SNAPC4: variants seen among roughly 807,000 people sequenced by gnomAD.
SNAPC4 encodes the protein small nuclear RNA activating complex polypeptide 4, also known as snRNA-activating protein complex subunit 4.
SNAPC4 carries 127 observed loss-of-function variants against 151.3 expected under a neutral mutation model. The observed-to-expected ratio is 0.84, with a 90% CI of 0.73 to 0.97. The LOEUF (loss-of-function observed/expected upper bound fraction) is 0.97. Ranked by LOEUF, SNAPC4 falls within the 50% of genes least tolerant of loss-of-function variation. The pLI is 0.00. For synonymous variants in SNAPC4, 1,002 were observed against 824.4 expected (o/e 1.22, Z -3.69); for missense variants, 2,186 against 1,935.0 (o/e 1.13, Z -2.43).
In SNAPC4 at chr9:136,377,565, G is replaced by T; in HGVS notation, c.4262C>A (p.Thr1421Lys). 6.6e-7 allele frequency: 1 copy of T among 1,519,162 alleles called. No individual in the cohort carries two copies. The highest frequency in any genetic ancestry group is 8.8e-7 in the Non-Finnish European group (1 of 1,132,300). The allele number at this position is 1,519,162 out of a possible 1,614,324, so 94.1% of individuals were successfully genotyped here. ...LADRDGQPGC[T>K]TATCPIQGAP... is the part of the protein sequence containing the mutation. ...TACCTGAATGGGGCATGTGGCTGTCGTGCAGCCCGGCTGCCCGTCCCTGTC... is the reference window on the plus strand; with the variant it reads ...TACCTGAATGGGGCATGTGGCTGTCTTGCAGCCCGGCTGCCCGTCCCTGTC... Residue 1421 changes from threonine to lysine, a missense_variant, in exon 22 of 24, where the codon ACG becomes AAG. Thr to Lys is a moderately conservative substitution (Grantham distance 78, BLOSUM62 -1). Coordinates refer to ENST00000684778, the MANE Select transcript of SNAPC4 (RefSeq NM_003086.4).
At chr9:136,390,216 G>C (rs754788618) in intron 10 of SNAPC4, among the ~76,000 whole-genome samples, 1 of 152,136 alleles carries the variant, frequency 6.6e-6, no homozygotes, top group Non-Finnish European at 1.5e-5. Flanking sequence ...GCTGCACGCT[G>C]CTTTCATGAA....
In SNAPC4 at chr9:136,377,440, G is replaced by A. The variant is rs1349100341; in HGVS notation, c.4284+103C>T. ...AAGACACCCAGCAGCCAGCCTTCCTGCCCGCAACTTCCACCAGCCCCCACC... is the reference window on the plus strand; with the variant it reads ...AAGACACCCAGCAGCCAGCCTTCCTACCCGCAACTTCCACCAGCCCCCACC... On this transcript the variant is annotated intron_variant, in intron 22 of 23. Transcript: ENST00000684778. 14 of 1,380,234 alleles carry A rather than the reference G, an allele frequency of 1.0e-5. No individual in the cohort carries two copies. In the Admixed American group the frequency reaches 1.7e-4, roughly 16 times the overall value. The allele number at this position is 1,380,234 out of a possible 1,614,324, so 85.5% of individuals were successfully genotyped here. A position where few individuals can be genotyped will look rare whatever the true frequency, so the allele number is the denominator to read the frequency against.
Position 136,380,771 on chromosome 9 carries a change from C to T in SNAPC4, c.2468G>A (p.Gly823Asp). The change falls in exon 20 of 24, where the codon GGT becomes GAT. Residue 823 changes from glycine (G) to aspartate (D), a missense_variant. Transcript: ENST00000684778. ...KALPPRLPQA[G>D]ARDPPVHLLQ... Reference sequence around the variant, plus strand: ...AAGATGAACTGGTGGGTCCCGAGCACCAGCCTGGGGCAGCCTGGGTGGCAG... The same window carrying T: ...AAGATGAACTGGTGGGTCCCGAGCATCAGCCTGGGGCAGCCTGGGTGGCAG... 1 of 1,610,782 alleles carries T rather than the reference C, an allele frequency of 6.2e-7. No homozygotes were observed. The highest frequency in any genetic ancestry group is 8.5e-7 in the Non-Finnish European group (1 of 1,178,000).
At chr9:136,398,075 T>C (rs1834336058) in intron 2 of SNAPC4, among the ~76,000 whole-genome samples, 1 of 152,000 alleles carries the variant, frequency 6.6e-6, no homozygotes, top group Non-Finnish European at 1.5e-5. Flanking sequence ...CGTTTATTAT[T>C]ATTATTATTA....
intron 7 of SNAPC4, among the ~76,000 whole-genome samples, chr9:136,393,989 C>T (rs766241286): frequency 3.9e-5 from 6 of 152,242 alleles, no homozygotes; most frequent in Non-Finnish European, 4.4e-5. Flanking sequence ...ACAATCATGG[C>T]TCACTGCAGC....
chr9:136,376,608 A>C, intron 22 of SNAPC4, 127 bp from the exon 23 acceptor site: 4 of 1,117,856 alleles, frequency 3.6e-6, no homozygotes, highest in Non-Finnish European at 5.3e-6. Flanking sequence ...CCCTCAGCTC[A>C]GGCGGGAGCT....
In SNAPC4 at chr9:136,392,121, A is replaced by ACACT; in HGVS notation, c.811-19_811-16dup. The ACACT allele has an allele frequency of 6.2e-7, 1 of 1,610,822 alleles. No homozygotes were observed. Among genetic ancestry groups the ACACT allele is most frequent in the South Asian group, 1.1e-5 (1 of 91,072 alleles). On this transcript the variant is annotated splice_polypyrimidine_tract_variant and intron_variant, in intron 9 of 23. Coordinates refer to ENST00000684778, the MANE Select transcript of SNAPC4 (RefSeq NM_003086.4). ...CTGCCTTCAAACTGCACCGACAGAGACACTCAGCCTTGCAGGCCACTGACC... is the reference window on the plus strand; with the variant it reads ...CTGCCTTCAAACTGCACCGACAGAGACACTCACTCAGCCTTGCAGGCCACTGACC...
chr9:136,390,296 CTG>C (rs1414505293), intron 10 of SNAPC4, among the ~76,000 whole-genome samples: 2 of 152,160 alleles, frequency 1.3e-5, no homozygotes, highest in East Asian at 3.9e-4. Flanking sequence ...TGGCTCACGT[CTG>C]TAATCCCAGC....
intron 5 of SNAPC4, 22 bp downstream of exon 5, chr9:136,395,276 G>T (rs755465476): frequency 6.2e-7 from 1 of 1,609,988 alleles, no homozygotes; most frequent in Non-Finnish European, 8.5e-7. Context: ...TTGCCGACAA[G>T]AGCAGGGCCT....
At position 136,392,662 on chromosome 9, in the gene SNAPC4, GC is replaced by G. The variant is rs746142607; in HGVS notation, c.737+10del. 2,144 of 1,613,204 alleles carry G rather than the reference GC, an allele frequency of 1.3e-3. 7 individuals carry two copies. The highest frequency in any genetic ancestry group is 7.4e-3 in the Middle Eastern group (45 of 6,060). ...GGGCTCCCCTGGGCCCTCCCGGGAG[GC>G]CCCCCTCACTTGATGTCCTGGATCT... On this transcript the variant is annotated intron_variant, in intron 8 of 23. Coordinates refer to ENST00000684778, the MANE Select transcript of SNAPC4 (RefSeq NM_003086.4).
chr9:136,381,114 T>C (rs1833673625), intron 19 of SNAPC4, among the ~76,000 whole-genome samples: 1 of 152,190 alleles, frequency 6.6e-6, no homozygotes, highest in Admixed American at 6.5e-5. Context: ...CCCCGGACAC[T>C]GTTTAGCCCG....
At chr9:136,396,032 GGCTGCGGCT>G in intron 3 of SNAPC4, among the ~76,000 whole-genome samples, 1 of 152,216 alleles carries the variant, frequency 6.6e-6, no homozygotes, top group South Asian at 2.1e-4. Flanking sequence ...AACACGCCAG[GGCTGCGGCT>G]GCTGCAAGGC....
chr9:136,384,078 T>TCCCCAGGACAGGCTTGCTG (rs1833808405), intron 14 of SNAPC4, 46 bp from the exon 15 acceptor site: 1 of 1,535,858 alleles, frequency 6.5e-7, no homozygotes. Context: ...CAAAGATTCT[T>TCCCCAGGACAGGCTTGCTG]CCCCAGGACA....
chr9:136,377,545 G>A lies in SNAPC4; in HGVS notation c.4282C>T (p.Gln1428Ter), dbSNP rs1169002857. 1 of 1,508,646 alleles carries A rather than the reference G, an allele frequency of 6.6e-7. No homozygotes were observed. Among genetic ancestry groups the A allele is most frequent in the Non-Finnish European group, 8.9e-7 (1 of 1,128,020 alleles). The allele number at this position is 1,508,646 out of a possible 1,614,324, so 93.5% of individuals were successfully genotyped here. The change falls in exon 22 of 24, where the codon CAG (glutamine) becomes TAG (stop). Residue 1428 changes from glutamine (Q) to a stop codon, truncating the protein, a stop_gained and splice_region_variant. Transcript: ENST00000684778. LOFTEE classifies it high-confidence loss of function. Reference sequence around the variant, plus strand: ...GTGGGGCTGGGCGCCCACCCTACCTGAATGGGGCATGTGGCTGTCGTGCAG... The same window carrying A: ...GTGGGGCTGGGCGCCCACCCTACCTAAATGGGGCATGTGGCTGTCGTGCAG... ...PGCTTATCPI[Q>*]GAPDSGKCSA...
chr9:136,377,501 C>A, intron 22 of SNAPC4, 42 bp downstream of exon 22: 2 of 1,497,232 alleles, frequency 1.3e-6, no homozygotes, highest in Non-Finnish European at 1.8e-6. Flanking sequence ...CCCCAGGGAC[C>A]GCCGCCTGCC....
At chr9:136,386,187 T>C (rs1292513643) in intron 13 of SNAPC4, among the ~76,000 whole-genome samples, 1 of 151,132 alleles carries the variant, frequency 6.6e-6, no homozygotes, top group Non-Finnish European at 1.5e-5. Context: ...AACGCGTGTG[T>C]GGTTTTGACT....
chr9:136,398,117 A>G (rs1377668221), intron 2 of SNAPC4, among the ~76,000 whole-genome samples, 182 bp downstream of exon 2: 1 of 152,078 alleles, frequency 6.6e-6, no homozygotes, highest in Non-Finnish European at 1.5e-5. Context: ...TGCGTTGTCC[A>G]GGCTGGACAT....
At chr9:136,394,224 T>C (rs751345373) in intron 7 of SNAPC4, 25 bp downstream of exon 7, 5 of 1,588,252 alleles carry the variant, frequency 3.1e-6, no homozygotes, top group Non-Finnish European at 4.3e-6. Context: ...TGAAGACCGT[T>C]TTTGACTTAT....
At chr9:136,380,219 C>G (rs1350946126) in intron 20 of SNAPC4, among the ~76,000 whole-genome samples, 1 of 152,150 alleles carries the variant, frequency 6.6e-6, no homozygotes, top group Admixed American at 6.5e-5. Context: ...CCTTGTTCCC[C>G]CTGCCAGTGC....
Sources: gnomAD v4.1 joint callset for allele counts (sites outside exome capture counted in the v4.1 genomes callset) on GRCh38, gnomAD v4.1.1 for gene constraint, MANE v1.5 for transcripts, NCBI Gene and HGNC (gene_info 2026-07-23, HGNC 2026-07-21) for gene names.